SPTLC2: variants seen among roughly 807,000 people sequenced by gnomAD.
SPTLC2 encodes the protein serine palmitoyltransferase 2.
Under a neutral mutation model 62.0 loss-of-function variants are expected in SPTLC2, and 21 were observed. That is an observed-to-expected ratio of 0.34 (90% confidence interval 0.24 to 0.49). The LOEUF (loss-of-function observed/expected upper bound fraction) is 0.49. SPTLC2 is among the 20% of genes least tolerant of loss of function. The probability of loss-of-function intolerance (pLI) is 0.99; values close to 1 mark genes in which losing one functional copy is unlikely to be tolerated. For missense variants in SPTLC2, 511 were observed against 713.0 expected (o/e 0.72, Z 3.23); for synonymous variants, 261 against 261.8 (o/e 1.00, Z 0.03).
intron 9 of SPTLC2, among the ~76,000 whole-genome samples, chr14:77,534,613 A>G (rs2079459704): frequency 6.6e-6 from 1 of 152,128 alleles, no homozygotes; most frequent in Non-Finnish European, 1.5e-5. Flanking sequence ...ACATATGCTA[A>G]ACATAGAAGA....
At chr14:77,539,907 C>T (rs1009121878) in intron 9 of SPTLC2, among the ~76,000 whole-genome samples, 1 of 151,916 alleles carries the variant, frequency 6.6e-6, no homozygotes, top group Non-Finnish European at 1.5e-5. Context: ...AATAAAAAAA[C>T]ACAATTAAGC....
At chr14:77,565,242 CAAAAAAAAA>C (rs59356054) in intron 5 of SPTLC2, among the ~76,000 whole-genome samples, 11 of 33,692 alleles carry the variant, frequency 3.3e-4, no homozygotes, top group South Asian at 1.5e-3. Context: ...AACTCCATCT[CAAAAAAAAA>C]AAAAAAAAAA....
At chr14:77,610,137 G>GGTTTTGTTTT (rs55986788) in intron 1 of SPTLC2, among the ~76,000 whole-genome samples, 23 of 151,010 alleles carry the variant, frequency 1.5e-4, no homozygotes, top group African/African-American at 4.9e-4. Context: ...ATCTAACTGA[G>GGTTTTGTTTT]GTTTTGTTTT....
chr14:77,562,592 A>T (rs781379773), intron 5 of SPTLC2, 103 bp from the exon 6 acceptor site: 1 of 872,564 alleles, frequency 1.1e-6, no homozygotes, highest in Non-Finnish European at 1.9e-6. Flanking sequence ...CTTATTAAGG[A>T]AATTGTGCAC....
intron 1 of SPTLC2, among the ~76,000 whole-genome samples, chr14:77,616,238 C>G (rs573277088): frequency 1.3e-5 from 2 of 152,284 alleles, no homozygotes; most frequent in South Asian, 2.1e-4. Context: ...GTAAGACCTC[C>G]AGGCGCGGAG....
At position 77,572,582 on chromosome 14, in the gene SPTLC2, C is replaced by A. The variant is rs538342624; in HGVS notation, c.632-2074G>T. Among the ~76,000 whole-genome samples, 55 of 152,258 alleles carry A rather than the reference C, an allele frequency of 3.6e-4. 1 individual carries two copies. In the South Asian group the frequency reaches 8.5e-3, roughly 23 times the overall value. Reference sequence around the variant, plus strand: ...AACCTGTCTTTTGAAGCTTTGAAACCAGGCATTGACTTGTCTCTAGCTGTG... The same window carrying A: ...AACCTGTCTTTTGAAGCTTTGAAACAAGGCATTGACTTGTCTCTAGCTGTG... On this transcript the variant is annotated intron_variant, in intron 4 of 11. Coordinates refer to ENST00000216484, the MANE Select transcript of SPTLC2 (RefSeq NM_004863.4).
At chr14:77,587,511 A>T (rs145229403) in intron 2 of SPTLC2, among the ~76,000 whole-genome samples, 39 of 151,810 alleles carry the variant, frequency 2.6e-4, no homozygotes, top group African/African-American at 8.2e-4. Flanking sequence ...TCATGCCTGT[A>T]ATCCCAGCAC....
intron 9 of SPTLC2, among the ~76,000 whole-genome samples, chr14:77,548,696 C>T (rs1233005634): frequency 6.6e-6 from 1 of 152,132 alleles, no homozygotes; most frequent in East Asian, 1.9e-4. Flanking sequence ...CTTTCAAGAT[C>T]TGTCAACCTA....
intron 9 of SPTLC2, chr14:77,535,850 A>G (rs918843117): frequency 1.3e-5 from 5 of 397,558 alleles, no homozygotes; most frequent in Non-Finnish European, 2.0e-5. Flanking sequence ...AATCTAAGTC[A>G]AGTAAATAAC....
At chr14:77,540,792 G>A (rs2140008672) in intron 9 of SPTLC2, among the ~76,000 whole-genome samples, 2 of 152,218 alleles carry the variant, frequency 1.3e-5, no homozygotes, top group Middle Eastern at 3.4e-3. Flanking sequence ...TATTTTAAAG[G>A]TAGATCTCTC....
rs1427681484 is a variant in SPTLC2, at chr14:77,506,259, C to T, written c.*6025G>A. 2 of 152,218 alleles carry T rather than the reference C, an allele frequency of 1.3e-5. No homozygotes were observed. The highest frequency in any genetic ancestry group is 1.9e-4 in the East Asian group (1 of 5,196). 9.4% of individuals were successfully genotyped at this position (152,218 alleles called of 1,614,324 possible). On this transcript the variant is annotated 3_prime_UTR_variant, in exon 12 of 12. Transcript: ENST00000216484. ...TAAAATGTTTAAGCTTTTATTTACA[C>T]ATCCCCTTCTCTCAGTTTCCCAGGT...
At chr14:77,531,420 T>TTCTTCTTCTTCTTTTCTTCTTCTTC (rs765804012) in intron 9 of SPTLC2, among the ~76,000 whole-genome samples, 5 of 129,750 alleles carry the variant, frequency 3.9e-5, no homozygotes, top group Non-Finnish European at 6.4e-5. Context: ...GGACCATGAC[T>TTCTTCTTCTTCTTTTCTTCTTCTTC]TTCTTCTTCT....
At chr14:77,569,859 T>TAA (rs369912632) in intron 5 of SPTLC2, among the ~76,000 whole-genome samples, 4 of 70,680 alleles carry the variant, frequency 5.7e-5, no homozygotes, top group East Asian at 5.0e-4. Flanking sequence ...TATATGTATA[T>TAA]AAATATATAA....
chr14:77,506,674 A>C lies in SPTLC2; in HGVS notation c.*5610T>G, dbSNP rs2079307065. 1 of 152,262 alleles carries C rather than the reference A, an allele frequency of 6.6e-6. No individual in the cohort carries two copies. Among genetic ancestry groups the C allele is most frequent in the African/African-American group, 2.4e-5 (1 of 41,468 alleles). The allele number at this position is 152,262 out of a possible 1,614,324, so 9.4% of individuals were successfully genotyped here. ...CACTTTCCAGGAAGACCTGGGCCAA[A>C]TGACCAAGCTTTGCAAAAGAAACCT... On this transcript the variant is annotated 3_prime_UTR_variant, in exon 12 of 12. Transcript: ENST00000216484.
chr14:77,547,173 T>C (rs2079533226), intron 9 of SPTLC2, among the ~76,000 whole-genome samples: 1 of 57,290 alleles, frequency 1.7e-5, no homozygotes. Flanking sequence ...CGGAAACAAG[T>C]ATTTTTTTTT....
At chr14:77,553,119 C>T (rs2079564211) in intron 8 of SPTLC2, among the ~76,000 whole-genome samples, 1 of 152,082 alleles carries the variant, frequency 6.6e-6, no homozygotes, top group African/African-American at 2.4e-5. Context: ...CTGTCATTTA[C>T]AAGGATTTCA....
chr14:77,610,255 C>G (rs111366463), intron 1 of SPTLC2, among the ~76,000 whole-genome samples: 4,160 of 152,184 alleles, frequency 0.027, 181 homozygotes, highest in African/African-American at 0.096. Flanking sequence ...ATTCTACTAC[C>G]TCAGACTCCC....
intron 2 of SPTLC2, among the ~76,000 whole-genome samples, chr14:77,587,240 A>G (rs2079786744): frequency 6.6e-6 from 1 of 152,020 alleles, no homozygotes; most frequent in African/African-American, 2.4e-5. Flanking sequence ...CAAAAAAAAA[A>G]GAATTCTCAA....
chr14:77,555,225 T>C (rs2079576113), intron 8 of SPTLC2, 75 bp downstream of exon 8: 3 of 1,583,142 alleles, frequency 1.9e-6, no homozygotes, highest in Admixed American at 3.3e-5. Context: ...CAGGGCCCCA[T>C]CTGCTAGGCC....
Sources: gnomAD v4.1 joint callset for allele counts (sites outside exome capture counted in the v4.1 genomes callset) on GRCh38, gnomAD v4.1.1 for gene constraint, MANE v1.5 for transcripts, NCBI Gene and HGNC (gene_info 2026-07-23, HGNC 2026-07-21) for gene names.